Variants in NBEA observed in about 807,000 individuals in gnomAD.
NBEA encodes the protein neurobeachin, also known as lysosomal-trafficking regulator 2.
In NBEA, 44 loss-of-function variants were observed where a neutral mutation model predicts 343.4. The observed-to-expected ratio is 0.13, with a 90% CI of 0.10 to 0.16. The LOEUF (loss-of-function observed/expected upper bound fraction) is 0.16. Among genes scored for constraint, NBEA ranks in the 10% least tolerant of loss-of-function variants. The pLI, the probability that NBEA is intolerant of heterozygous loss-of-function variation, is 1.00. For synonymous variants in NBEA, 1,175 were observed against 1,238.7 expected, an observed-to-expected ratio of 0.95 and a Z score of 1.08; for missense variants, 2,555 against 3,631.3, an observed-to-expected ratio of 0.70 and a Z score of 7.62.
At chr13:35,436,779 G>A (rs1432130566) in intron 39 of NBEA, among the ~76,000 whole-genome samples, 1 of 151,186 alleles carries the variant, frequency 6.6e-6, no homozygotes, top group Non-Finnish European at 1.5e-5. Context: ...TGAAAACTTT[G>A]GTCAAAAAAT....
intron 35 of NBEA, among the ~76,000 whole-genome samples, chr13:35,295,511 C>A (rs1178897810): frequency 6.6e-6 from 1 of 151,678 alleles, no homozygotes; most frequent in African/African-American, 2.4e-5. Flanking sequence ...ATCTTTATTG[C>A]CATAAAAGTT....
intron 13 of NBEA, among the ~76,000 whole-genome samples, 183 bp from the exon 14 acceptor site, chr13:35,117,231 C>A (rs1021857899): frequency 1.3e-5 from 2 of 151,234 alleles, no homozygotes; most frequent in African/African-American, 4.9e-5. Context: ...TTGAAATTGT[C>A]AAAAATTTGA....
chr13:35,018,315 T>G (rs146016819), intron 1 of NBEA, among the ~76,000 whole-genome samples: 2,694 of 152,270 alleles, frequency 0.018, 49 homozygotes, highest in South Asian at 0.027. Context: ...ATTAGGATGG[T>G]GAAAGATGAA....
intron 1 of NBEA, among the ~76,000 whole-genome samples, chr13:34,999,389 C>T (rs1041588144): frequency 2.0e-5 from 3 of 152,092 alleles, no homozygotes; most frequent in Non-Finnish European, 4.4e-5. Context: ...CCCCAATACT[C>T]TCTTTACCCC....
chr13:35,071,061 C>A, intron 10 of NBEA: 1 of 373,916 alleles, frequency 2.7e-6, no homozygotes, highest in Non-Finnish European at 4.6e-6. Context: ...AAAGGAATGC[C>A]TTCCTTGATA....
chr13:35,089,284 A>T (rs1204580086), intron 10 of NBEA, among the ~76,000 whole-genome samples: 22 of 146,974 alleles, frequency 1.5e-4, no homozygotes, highest in African/African-American at 5.3e-4. Context: ...GAAGACATTT[A>T]TGCAGCCAAA....
intron 38 of NBEA, among the ~76,000 whole-genome samples, chr13:35,421,917 T>C (rs768053749): frequency 6.6e-6 from 1 of 152,106 alleles, no homozygotes; most frequent in Non-Finnish European, 1.5e-5. Flanking sequence ...ATGCCACTTT[T>C]CTCTGGCTGC....
At position 35,584,026 on chromosome 13, in the gene NBEA, G is replaced by C; in HGVS notation, c.7164G>C (p.Trp2388Cys). The part of the protein sequence containing the change: ...HYSTATSTLS[W>C]LVRIEPFTTF... ...CAACAGCAACATCTACTTTATCCTGGCTTGTTCGAATTGTGAGTATCTTCA... is the reference window on the plus strand; with the variant it reads ...CAACAGCAACATCTACTTTATCCTGCCTTGTTCGAATTGTGAGTATCTTCA... The change falls in exon 46 of 59, where the codon TGG becomes TGC. Residue 2388 changes from tryptophan (W) to cysteine (C), a missense_variant. Coordinates refer to ENST00000379939, the MANE Select transcript of NBEA (RefSeq NM_001385012.1). 6.2e-7 allele frequency: 1 copy of C among 1,613,266 alleles called. No individual in the cohort carries two copies. Among genetic ancestry groups the C allele is most frequent in the Non-Finnish European group, 8.5e-7 (1 of 1,179,692 alleles).
intron 34 of NBEA, among the ~76,000 whole-genome samples, chr13:35,279,991 A>G (rs909534038): frequency 6.6e-6 from 1 of 152,164 alleles, no homozygotes; most frequent in Non-Finnish European, 1.5e-5. Flanking sequence ...CAATTTTAAC[A>G]TATAAGACTA....
chr13:34,943,976 C>A (rs555821180), intron 1 of NBEA, among the ~76,000 whole-genome samples: 1 of 152,208 alleles, frequency 6.6e-6, no homozygotes, highest in East Asian at 1.9e-4. Context: ...TTTAAGATGT[C>A]AGGGAAAGAA....
chr13:35,313,955 G>A (rs565526588), intron 36 of NBEA, among the ~76,000 whole-genome samples: 38 of 152,194 alleles, frequency 2.5e-4, no homozygotes, highest in African/African-American at 7.7e-4. Context: ...TTTTTAGAAT[G>A]AAGAACCTAT....
At position 35,470,348 on chromosome 13, in the gene NBEA, A is replaced by G. The variant is rs185459850; in HGVS notation, c.6449-2052A>G. On this transcript the variant is annotated intron_variant, in intron 40 of 58. Transcript: ENST00000379939. Reference sequence around the variant, plus strand: ...ATTTGTAATGTATTTCAATAAATCAATGGGTATGGTTTTGATGTTTCACGA... The same window carrying G: ...ATTTGTAATGTATTTCAATAAATCAGTGGGTATGGTTTTGATGTTTCACGA... 5.3e-4 allele frequency among the ~76,000 whole-genome samples: 81 copies of G among 152,078 alleles called. 2 individuals are homozygous for G. The highest frequency in any genetic ancestry group is 1.2e-4 in the African/African-American group (5 of 41,514).
intron 1 of NBEA, among the ~76,000 whole-genome samples, chr13:35,040,171 T>G (rs1385741246): frequency 6.6e-6 from 1 of 152,166 alleles, no homozygotes; most frequent in African/African-American, 2.4e-5. Flanking sequence ...TGCTTTTAAC[T>G]GAATATAATA....
chr13:35,124,469 T>G (rs2066972505), intron 17 of NBEA, among the ~76,000 whole-genome samples: 1 of 149,806 alleles, frequency 6.7e-6, no homozygotes, highest in African/African-American at 2.4e-5. Flanking sequence ...AAGCCAGGAT[T>G]GTAGAAAAGG....
At chr13:34,963,538 A>C (rs2059725816) in intron 1 of NBEA, among the ~76,000 whole-genome samples, 1 of 152,034 alleles carries the variant, frequency 6.6e-6, no homozygotes, top group Non-Finnish European at 1.5e-5. Context: ...AGCTGGTCTT[A>C]ACTAAGCGAA....
chr13:35,329,820 T>TAAACCAGACTTTA (rs2038810804), intron 36 of NBEA, among the ~76,000 whole-genome samples: 2 of 6,582 alleles, frequency 3.0e-4, no homozygotes, highest in South Asian at 5.2e-3. Flanking sequence ...AATTGTGTCT[T>TAAACCAGACTTTA]AAAAAAACTA....
intron 34 of NBEA, among the ~76,000 whole-genome samples, chr13:35,275,832 G>T (rs1206138375): frequency 6.6e-6 from 1 of 151,988 alleles, no homozygotes; most frequent in Non-Finnish European, 1.5e-5. Context: ...TTAGAATGGC[G>T]ATCATTAGAA....
intron 1 of NBEA, among the ~76,000 whole-genome samples, chr13:35,037,711 G>A (rs188242600): frequency 1.3e-5 from 2 of 152,238 alleles, no homozygotes; most frequent in Non-Finnish European, 2.9e-5. Context: ...TCTGTTCTGA[G>A]ACACCTAAAG....
chr13:35,310,900 T>A (rs573370462), intron 36 of NBEA, among the ~76,000 whole-genome samples: 53 of 152,346 alleles, frequency 3.5e-4, no homozygotes, highest in Non-Finnish European at 4.0e-4. Context: ...ACCCAATTTT[T>A]AAAAATTAAA....
Sources: allele counts gnomAD v4.1 joint callset (sites outside exome capture counted in the v4.1 genomes callset), GRCh38; gene constraint gnomAD v4.1.1; transcripts MANE v1.5; gene names NCBI Gene and HGNC (gene_info 2026-07-23, HGNC 2026-07-21).